The following PRDM11 variants were observed in gnomAD, a reference collection of about 807,000 sequenced individuals.
PRDM11 encodes PR/SET domain 11, also known as PR domain-containing protein 11.
In PRDM11, 20 loss-of-function variants were observed where a neutral mutation model predicts 97.8. That is an observed-to-expected ratio of 0.20 (90% CI 0.14 to 0.30). The LOEUF (loss-of-function observed/expected upper bound fraction) is 0.30, where lower values mean the gene tolerates loss of function less well. Ranked by LOEUF, PRDM11 falls within the 10% of genes least tolerant of loss-of-function variation. The pLI, the probability that PRDM11 is intolerant of heterozygous loss-of-function variation, is 1.00. For synonymous variants in PRDM11, 599 were observed against 637.7 expected (o/e 0.94, Z 0.91); for missense variants, 1,139 against 1,555.2 (o/e 0.73, Z 4.50).
upstream of PRDM11, among the ~76,000 whole-genome samples, chr11:45,142,114 T>C (rs763060360): frequency 1.6e-4 from 25 of 152,218 alleles, no homozygotes; most frequent in Admixed American, 6.5e-5. Context: ...AGTAAATGTT[T>C]ATCATCCAGA....
At chr11:45,225,224 C>A in intron 7 of PRDM11, 5 of 896,034 alleles carry the variant, frequency 5.6e-6, no homozygotes, top group Non-Finnish European at 7.2e-6. Flanking sequence ...GATCTCTTGG[C>A]TTCCCTAACT....
chr11:45,172,857 AG>A (rs1590403979), intron 1 of PRDM11, among the ~76,000 whole-genome samples: 1 of 152,172 alleles, frequency 6.6e-6, no homozygotes, highest in Non-Finnish European at 1.5e-5. Flanking sequence ...CTCAGATACC[AG>A]GGTGCAAATG....
At position 45,228,709 on chromosome 11, in the gene PRDM11, A is replaced by C. The variant is rs1854337534; in HGVS notation, c.*550A>C. 6.6e-6 allele frequency: 1 copy of C among 151,950 alleles called. No individual in the cohort carries two copies. The highest frequency in any genetic ancestry group is 2.1e-4 in the South Asian group (1 of 4,798). 9.4% of individuals were successfully genotyped at this position (151,950 alleles called of 1,614,324 possible). ...GGTGGGTTGTCTGTCTGCATTTGGG[A>C]GGCAGGGGGGTTGACCTTTCTCCCT... On this transcript the variant is annotated 3_prime_UTR_variant, in exon 8 of 8. Coordinates refer to ENST00000683152, the MANE Select transcript of PRDM11 (RefSeq NM_001384648.1).
chr11:45,147,291 C>T (rs1022094344), intron 1 of PRDM11: 1 of 150,758 alleles, frequency 6.6e-6, no homozygotes, highest in African/African-American at 2.5e-5. Flanking sequence ...GTGACACGGA[C>T]GGGGCGGGGC....
chr11:45,094,995 C>T (rs954337084), upstream of PRDM11, among the ~76,000 whole-genome samples: 13 of 152,256 alleles, frequency 8.5e-5, no homozygotes, highest in South Asian at 2.7e-3. Context: ...GGAGCCACCA[C>T]TGCCCTTGTC....
At chr11:45,137,205 G>A (rs1473432284) in intron 1 of PRDM11, among the ~76,000 whole-genome samples, 1 of 151,244 alleles carries the variant, frequency 6.6e-6, no homozygotes, top group Non-Finnish European at 1.5e-5. Context: ...GGCCGAGGCA[G>A]GCAGATCACT....
At position 45,212,838 on chromosome 11, in the gene PRDM11, G is replaced by A. The variant is rs192049317; in HGVS notation, c.555-6732G>A. ...GGCCAGGCCATGGCCGAGCTGACCA[G>A]CCGTGTCGGTCAGATGTGCCAGACG... On this transcript the variant is annotated intron_variant, in intron 5 of 7. Transcript: ENST00000683152. 48 of 448,684 alleles carry A rather than the reference G, an allele frequency of 1.1e-4. No homozygotes were observed. The East Asian group carries it at 3.1e-3, about 29-fold the overall frequency. 27.8% of individuals were successfully genotyped at this position (448,684 alleles called of 1,614,324 possible).
At chr11:45,222,844 C>T (rs3758721) in intron 6 of PRDM11, among the ~76,000 whole-genome samples, 17,283 of 152,146 alleles carry the variant, frequency 0.11, 1,401 homozygotes, top group Admixed American at 0.27. Flanking sequence ...CATTGTTCAG[C>T]GGCACATCAC....
upstream of PRDM11, among the ~76,000 whole-genome samples, chr11:45,094,832 AGGAAGGAGGGAAGGAAG>A (rs1851865394): frequency 6.7e-5 from 6 of 89,496 alleles, no homozygotes; most frequent in African/African-American, 4.3e-4. Context: ...GAAGGAAGGG[AGGAAGGAGGGAAGGAAG>A]GGAGGAAGGA....
chr11:45,136,478 C>G (rs1852846524), intron 1 of PRDM11, among the ~76,000 whole-genome samples: 1 of 152,042 alleles, frequency 6.6e-6, no homozygotes, highest in Non-Finnish European at 1.5e-5. Context: ...GCAACATAGG[C>G]AGGTGGAAGA....
intron 1 of PRDM11, among the ~76,000 whole-genome samples, chr11:45,150,487 G>A (rs1387639747): frequency 6.6e-6 from 1 of 152,218 alleles, no homozygotes; most frequent in Non-Finnish European, 1.5e-5. Flanking sequence ...ACTGTGTGCT[G>A]AGGGCTGGGG....
intron 1 of PRDM11, among the ~76,000 whole-genome samples, chr11:45,111,838 T>C (rs1852188875): frequency 6.6e-6 from 1 of 152,158 alleles, no homozygotes; most frequent in Non-Finnish European, 1.5e-5. Context: ...TGGGAGGAAG[T>C]CACTCTGCTG....
chr11:45,181,014 G>A (rs1852475794), intron 1 of PRDM11, among the ~76,000 whole-genome samples: 1 of 152,140 alleles, frequency 6.6e-6, no homozygotes, highest in Non-Finnish European at 1.5e-5. Flanking sequence ...CCCGGGTAGT[G>A]AGTCACACAC....
chr11:45,225,986 G>T lies in PRDM11; in HGVS notation c.1370-9G>T, dbSNP rs1854264699. ...AGGTATAAATGTTTCTTTCCCATTTGTTTTTCAGCCTCAGAAAGCATGGTC... is the reference window on the plus strand; with the variant it reads ...AGGTATAAATGTTTCTTTCCCATTTTTTTTTCAGCCTCAGAAAGCATGGTC... On this transcript the variant is annotated splice_polypyrimidine_tract_variant and intron_variant, in intron 7 of 7. Coordinates refer to ENST00000683152, the MANE Select transcript of PRDM11 (RefSeq NM_001384648.1). The T allele has an allele frequency of 6.8e-7, 1 of 1,474,736 alleles. No homozygotes were observed. Among genetic ancestry groups the T allele is most frequent in the Non-Finnish European group, 9.0e-7 (1 of 1,115,576 alleles). The allele number at this position is 1,474,736 out of a possible 1,614,324, so 91.4% of individuals were successfully genotyped here.
chr11:45,211,232 G>C (rs944326392), intron 5 of PRDM11, among the ~76,000 whole-genome samples: 5 of 152,196 alleles, frequency 3.3e-5, no homozygotes, highest in African/African-American at 4.8e-5. Flanking sequence ...ACACTGCCAA[G>C]AGACACAGGA....
intron 1 of PRDM11, among the ~76,000 whole-genome samples, chr11:45,141,131 T>G (rs565980680): frequency 1.3e-4 from 20 of 152,314 alleles, no homozygotes; most frequent in Admixed American, 1.2e-3. Flanking sequence ...CTTTGCCTAT[T>G]CTCCTGGCTA....
rs372131082 is a variant in PRDM11, at chr11:45,122,913, C to T, written c.96+27012C>T. ...CTAGTTCTAGATCCCTGAGGAATCG[C>T]CACACTGACTTTCACAATGGTTGAA... On this transcript the variant is annotated intron_variant, in intron 1 of 6. Coordinates refer to the PRDM11 transcript ENST00000530656. Among the ~76,000 whole-genome samples, 7 of 152,112 alleles carry T rather than the reference C, an allele frequency of 4.6e-5. No homozygotes were observed. In the South Asian group the frequency reaches 8.3e-4, roughly 18 times the overall value.
intron 5 of PRDM11, chr11:45,213,642 A>C (rs947006694): frequency 2.2e-6 from 1 of 456,066 alleles, no homozygotes; most frequent in African/African-American, 2.0e-5. Flanking sequence ...ACTGTCTTGC[A>C]TTCATAGAGA....
chr11:45,130,566 G>A (rs954994039), intron 1 of PRDM11, among the ~76,000 whole-genome samples: 1 of 152,102 alleles, frequency 6.6e-6, no homozygotes, highest in African/African-American at 2.4e-5. Flanking sequence ...TTAAGTGTTG[G>A]CAAGAACGTG....
Sources: allele counts gnomAD v4.1 joint callset (sites outside exome capture counted in the v4.1 genomes callset), GRCh38; gene constraint gnomAD v4.1.1; transcripts MANE v1.5; gene names NCBI Gene and HGNC (gene_info 2026-07-23, HGNC 2026-07-21).